Variants in ATRNL1 observed in about 807,000 individuals in gnomAD.
ATRNL1 encodes attractin-like protein 1.
ATRNL1 carries 95 observed loss-of-function variants against 182.7 expected under a neutral mutation model. The observed-to-expected ratio is 0.52, with a 90% confidence interval of 0.44 to 0.62. The LOEUF is 0.62. ATRNL1 is among the 20% of genes least tolerant of loss of function. The probability of loss-of-function intolerance (pLI) is 0.00; values close to 1 mark genes in which losing one functional copy is unlikely to be tolerated. For missense variants in ATRNL1, 1,471 were observed against 1,679.5 expected, an observed-to-expected ratio of 0.88 and a Z score of 2.17; for synonymous variants, 576 against 568.3, an observed-to-expected ratio of 1.01 and a Z score of -0.19.
intron 23 of ATRNL1, among the ~76,000 whole-genome samples, chr10:115,467,614 T>C (rs1453449608): frequency 2.7e-5 from 4 of 150,704 alleles, no homozygotes; most frequent in African/African-American, 7.3e-5. Context: ...TTATTAACCT[T>C]AATATTTATA....
intron 14 of ATRNL1, among the ~76,000 whole-genome samples, chr10:115,282,065 CAT>C (rs1491068577): frequency 3.5e-5 from 5 of 143,462 alleles, no homozygotes; most frequent in South Asian, 2.1e-4. Flanking sequence ...TAATATGTAA[CAT>C]ATATTTATTA....
intron 24 of ATRNL1, among the ~76,000 whole-genome samples, chr10:115,493,639 G>A (rs1436231087): frequency 1.3e-5 from 2 of 152,126 alleles, no homozygotes; most frequent in African/African-American, 4.8e-5. Context: ...CCAATAATGG[G>A]ATTGCTGGGT....
intron 26 of ATRNL1, among the ~76,000 whole-genome samples, chr10:115,719,074 A>G (rs1211031297): frequency 6.6e-6 from 1 of 152,192 alleles, no homozygotes; most frequent in African/African-American, 2.4e-5. Flanking sequence ...ATTTTTCTAC[A>G]AATAGGCTTT....
At chr10:115,678,929 C>T (rs10885767) in intron 26 of ATRNL1, among the ~76,000 whole-genome samples, 51,356 of 151,844 alleles carry the variant, frequency 0.34, 9,636 homozygotes, top group East Asian at 0.57. Context: ...CACTCCAAAC[C>T]CAATAGACAA....
At chr10:115,749,883 A>C (rs1340250381) in intron 27 of ATRNL1, among the ~76,000 whole-genome samples, 1 of 151,978 alleles carries the variant, frequency 6.6e-6, no homozygotes, top group African/African-American at 2.4e-5. Flanking sequence ...CTGAGCTTCA[A>C]GTTTCTCATT....
intron 26 of ATRNL1, among the ~76,000 whole-genome samples, chr10:115,640,829 A>G (rs190120243): frequency 2.5e-4 from 38 of 152,088 alleles, no homozygotes; most frequent in African/African-American, 8.9e-4. Context: ...TGGTGTTTTA[A>G]TCATGAAGTC....
chr10:115,847,542 C>T (rs1950958150), intron 27 of ATRNL1, among the ~76,000 whole-genome samples: 1 of 151,912 alleles, frequency 6.6e-6, no homozygotes, highest in South Asian at 2.1e-4. Context: ...TTAAGATATG[C>T]CAACAGAATA....
chr10:115,529,341 A>AT (rs1416439485), intron 25 of ATRNL1, among the ~76,000 whole-genome samples: 59 of 151,560 alleles, frequency 3.9e-4, no homozygotes, highest in Non-Finnish European at 7.1e-4. Context: ...ATCTTTTAAA[A>AT]TTTTTTCTCT....
At chr10:115,148,527 G>GA (rs1229840116) in intron 5 of ATRNL1, among the ~76,000 whole-genome samples, 1 of 152,096 alleles carries the variant, frequency 6.6e-6, no homozygotes, top group African/African-American at 2.4e-5. Flanking sequence ...AGTTCTTAGA[G>GA]AAAAAGCTTT....
chr10:115,794,921 AT>A (rs1445657229), intron 27 of ATRNL1, among the ~76,000 whole-genome samples: 1 of 152,186 alleles, frequency 6.6e-6, no homozygotes, highest in African/African-American at 2.4e-5. Flanking sequence ...TCACTGAATA[AT>A]AATCTGTTAC....
At chr10:115,555,068 A>C (rs966682117) in intron 26 of ATRNL1, among the ~76,000 whole-genome samples, 1 of 151,900 alleles carries the variant, frequency 6.6e-6, no homozygotes, top group African/African-American at 2.4e-5. Context: ...TTTTTTATCT[A>C]AAATGCAAAC....
intron 26 of ATRNL1, among the ~76,000 whole-genome samples, chr10:115,698,151 A>G (rs1207002651): frequency 1.3e-5 from 2 of 152,064 alleles, no homozygotes; most frequent in Non-Finnish European, 2.9e-5. Context: ...CCCAGTTTAA[A>G]TATACTACCA....
rs112950984 is a variant in ATRNL1, at chr10:115,797,237, C to T, written c.3904-50640C>T. 6.2e-3 allele frequency among the ~76,000 whole-genome samples: 947 copies of T among 152,238 alleles called. 8 individuals are homozygous for T. The highest frequency in any genetic ancestry group is 0.021 in the African/African-American group (891 of 41,540). On this transcript the variant is annotated intron_variant, in intron 27 of 28. Transcript: ENST00000355044. ...GCAACATAATTTGTGGGGCCCAGTA[C>T]AAAATGAAAATGCAGGGCCTCTTGT...
intron 27 of ATRNL1, among the ~76,000 whole-genome samples, chr10:115,750,981 C>T (rs1948432297): frequency 1.3e-5 from 2 of 151,884 alleles, no homozygotes; most frequent in African/African-American, 4.8e-5. Flanking sequence ...AAGTGACCCC[C>T]AAAGATGTGC....
chr10:115,449,845 A>G (rs1328641515), intron 21 of ATRNL1, among the ~76,000 whole-genome samples: 1 of 152,204 alleles, frequency 6.6e-6, no homozygotes, highest in Non-Finnish European at 1.5e-5. Context: ...CACAACAAAA[A>G]AAGAAAACTT....
At chr10:115,775,141 A>G (rs1435898306) in intron 27 of ATRNL1, among the ~76,000 whole-genome samples, 1 of 152,194 alleles carries the variant, frequency 6.6e-6, no homozygotes, top group African/African-American at 2.4e-5. Context: ...ATTCTGTCCA[A>G]TGCAACTCTA....
intron 1 of ATRNL1, chr10:115,096,754 G>A: frequency 7.8e-7 from 1 of 1,278,706 alleles, no homozygotes; most frequent in Non-Finnish European, 1.0e-6. Flanking sequence ...TGGTACTTCA[G>A]TTCTCTTAGC....
At chr10:115,196,197 C>T (rs1170891528) in intron 8 of ATRNL1, among the ~76,000 whole-genome samples, 3 of 149,714 alleles carry the variant, frequency 2.0e-5, no homozygotes, top group African/African-American at 7.7e-5. Flanking sequence ...GAATAAATAT[C>T]CAATTGTTCC....
intron 21 of ATRNL1, among the ~76,000 whole-genome samples, chr10:115,438,670 C>T (rs188653343): frequency 7.4e-4 from 112 of 151,930 alleles, no homozygotes; most frequent in East Asian, 2.7e-3. Flanking sequence ...TTTTGCACTA[C>T]GGCTGCTAGA....
Sources: allele counts gnomAD v4.1 joint callset (sites outside exome capture counted in the v4.1 genomes callset), GRCh38; gene constraint gnomAD v4.1.1; transcripts MANE v1.5; gene names NCBI Gene and HGNC (gene_info 2026-07-23, HGNC 2026-07-21).